WLS: variants seen among roughly 807,000 people sequenced by gnomAD.
WLS encodes Wnt ligand secretion mediator.
WLS carries 23 observed loss-of-function variants against 62.8 expected under a neutral mutation model. The observed-to-expected ratio is 0.37, with a 90% CI of 0.26 to 0.52. WLS has a LOEUF of 0.52. Ranked by LOEUF, WLS falls within the 20% of genes least tolerant of loss-of-function variation. The probability of loss-of-function intolerance (pLI) is 0.92; values close to 1 mark genes in which losing one functional copy is unlikely to be tolerated. For missense variants in WLS, 615 were observed against 697.3 expected (o/e 0.88, Z 1.33); for synonymous variants, 246 against 244.1 (o/e 1.01, Z -0.07).
chr1:68,125,914 C>T lies in WLS; in HGVS notation c.*312G>A. 9.0e-7 allele frequency: 1 copy of T among 1,111,734 alleles called. No homozygotes were observed. The highest frequency in any genetic ancestry group is 1.1e-6 in the Non-Finnish European group (1 of 909,056). 68.9% of individuals were successfully genotyped at this position (1,111,734 alleles called of 1,614,324 possible). ...CATCCCCCAAGGAATACACCCCCAC[C>T]CCACCCCCACATGAGGTTTACTAAC... On this transcript the variant is annotated 3_prime_UTR_variant, in exon 12 of 12. Transcript: ENST00000262348.
Position 68,125,690 on chromosome 1 carries a change from T to G in WLS, c.*536A>C, listed in dbSNP as rs2100374597. 2.0e-6 allele frequency: 2 copies of G among 985,724 alleles called. No individual in the cohort carries two copies. The highest frequency in any genetic ancestry group is 1.1e-4 in the East Asian group (1 of 8,816). 61.1% of individuals were successfully genotyped at this position (985,724 alleles called of 1,614,324 possible). Reference sequence around the variant, plus strand: ...ATATTATGCCACAAAACAGGGACACTTATCTATTGACAACTTAAATATTAA... The same window carrying G: ...ATATTATGCCACAAAACAGGGACACGTATCTATTGACAACTTAAATATTAA... On this transcript the variant is annotated 3_prime_UTR_variant, in exon 12 of 12. Transcript: ENST00000262348.
At chr1:68,100,702 C>G (rs1219529298) in intron 11 of WLS, 1 of 152,098 alleles carries the variant, frequency 6.6e-6, no homozygotes, top group Admixed American at 6.6e-5. Context: ...AAACAGAGAT[C>G]ATAAGGCTGT....
At chr1:68,227,784 A>G (rs1650226098) in intron 1 of WLS, among the ~76,000 whole-genome samples, 1 of 152,136 alleles carries the variant, frequency 6.6e-6, no homozygotes, top group Non-Finnish European at 1.5e-5. Flanking sequence ...CTCACCAGAC[A>G]CCCAAATACT....
At chr1:68,152,898 G>A (rs909476641) in intron 5 of WLS, among the ~76,000 whole-genome samples, 2 of 152,136 alleles carry the variant, frequency 1.3e-5, no homozygotes, top group East Asian at 1.9e-4. Context: ...GAGAGGAGCT[G>A]GGCTTAGGGG....
intron 11 of WLS, among the ~76,000 whole-genome samples, chr1:68,102,913 ATTGT>A (rs1408596788): frequency 1.3e-5 from 2 of 152,130 alleles, no homozygotes; most frequent in East Asian, 3.9e-4. Flanking sequence ...CTTGCCTTCG[ATTGT>A]TTTGTGCCTA....
intron 9 of WLS, among the ~76,000 whole-genome samples, chr1:68,145,470 C>T (rs1049611249): frequency 1.8e-4 from 27 of 152,088 alleles, no homozygotes; most frequent in East Asian, 1.2e-3. Context: ...AATCAGATCA[C>T]GTGGGCTAAA....
At chr1:68,217,030 G>T (rs1649758206) in intron 1 of WLS, among the ~76,000 whole-genome samples, 2 of 152,122 alleles carry the variant, frequency 1.3e-5, no homozygotes, top group African/African-American at 4.8e-5. Context: ...CATGGATGGA[G>T]CAATAAGAAG....
chr1:68,186,501 T>TAA (rs5774920), intron 2 of WLS: 958 of 355,336 alleles, frequency 2.7e-3, no homozygotes, highest in East Asian at 6.3e-3. Flanking sequence ...CACGAAAAGT[T>TAA]AAAAAAAAAA....
At chr1:68,136,330 G>A (rs533045478) in intron 11 of WLS, among the ~76,000 whole-genome samples, 18 of 152,238 alleles carry the variant, frequency 1.2e-4, no homozygotes, top group African/African-American at 3.1e-4. Context: ...TGAAGGAGTC[G>A]ATGATCCAGC....
chr1:68,137,199 T>A (rs1292643989), intron 11 of WLS, among the ~76,000 whole-genome samples: 3 of 152,232 alleles, frequency 2.0e-5, no homozygotes. Context: ...CTAAGGCTAC[T>A]TGCAGCATCC....
At chr1:68,203,675 G>A (rs934750212) in intron 1 of WLS, among the ~76,000 whole-genome samples, 2 of 152,230 alleles carry the variant, frequency 1.3e-5, no homozygotes, top group African/African-American at 4.8e-5. Flanking sequence ...GCCTAGAGAA[G>A]ATCTGACTCA....
At chr1:68,146,704 G>GA (rs1646756912) in intron 8 of WLS, among the ~76,000 whole-genome samples, 1 of 152,106 alleles carries the variant, frequency 6.6e-6, no homozygotes, top group Non-Finnish European at 1.5e-5. Flanking sequence ...AACAGAATGG[G>GA]GATTCAAGGA....
chr1:68,122,054 T>C (rs1286740237), downstream of WLS, among the ~76,000 whole-genome samples: 1 of 152,240 alleles, frequency 6.6e-6, no homozygotes, highest in Non-Finnish European at 1.5e-5. Flanking sequence ...ATATGCATTC[T>C]TTACTGTAAA....
At chr1:68,161,975 G>T in intron 2 of WLS, 2 of 1,607,984 alleles carry the variant, frequency 1.2e-6, no homozygotes, top group Non-Finnish European at 1.7e-6. Context: ...ATTGCTTGCT[G>T]GTCTATTACT....
At chr1:68,161,491 GT>G (rs1195511411) in intron 2 of WLS, among the ~76,000 whole-genome samples, 3 of 152,166 alleles carry the variant, frequency 2.0e-5, no homozygotes, top group African/African-American at 4.8e-5. Context: ...TTTATTCTTT[GT>G]GATTTGATGC....
chr1:68,208,800 T>C (rs554123407), intron 1 of WLS, among the ~76,000 whole-genome samples: 104 of 152,234 alleles, frequency 6.8e-4, no homozygotes, highest in African/African-American at 2.4e-3. Context: ...ATGGGGAACA[T>C]TGAAAGGATT....
At chr1:68,108,072 C>G (rs991850742) in intron 11 of WLS, among the ~76,000 whole-genome samples, 1 of 152,166 alleles carries the variant, frequency 6.6e-6, no homozygotes, top group African/African-American at 2.4e-5. Context: ...GGACCACAAT[C>G]TTTATATGTA....
chr1:68,152,882 G>T (rs1646845923), intron 5 of WLS, among the ~76,000 whole-genome samples: 1 of 152,202 alleles, frequency 6.6e-6, no homozygotes, highest in South Asian at 2.1e-4. Context: ...CTGTCTTTCT[G>T]TAAGTGAGAG....
chr1:68,113,417 A>T (rs1429800284), intron 11 of WLS, among the ~76,000 whole-genome samples: 1 of 152,218 alleles, frequency 6.6e-6, no homozygotes, highest in Non-Finnish European at 1.5e-5. Context: ...CCAGGTAATT[A>T]CTGAGCCACT....
Sources: allele counts gnomAD v4.1 joint callset (sites outside exome capture counted in the v4.1 genomes callset), GRCh38; gene constraint gnomAD v4.1.1; transcripts MANE v1.5; gene names NCBI Gene and HGNC (gene_info 2026-07-23, HGNC 2026-07-21).